The following GATA4 variants were observed in gnomAD, a reference collection of about 807,000 sequenced individuals.
GATA4 encodes GATA binding protein 4.
Under a neutral mutation model 37.9 loss-of-function variants are expected in GATA4, and 7 were observed. The observed-to-expected ratio is 0.18, with a 90% CI of 0.11 to 0.35. GATA4 has a LOEUF of 0.35. Among genes scored for constraint, GATA4 ranks in the 10% least tolerant of loss-of-function variants. The pLI is 1.00. For synonymous variants in GATA4, 372 were observed against 292.6 expected (o/e 1.27, Z -2.77); for missense variants, 647 against 653.0 (o/e 0.99, Z 0.10).
At position 11,708,965 on chromosome 8, in the gene GATA4, CG is replaced by C; in HGVS notation, c.616+41del. The C allele has an allele frequency of 6.6e-7, 1 of 1,512,924 alleles. No individual in the cohort carries two copies. Among genetic ancestry groups the C allele is most frequent in the South Asian group, 1.2e-5 (1 of 82,072 alleles). 93.7% of individuals were successfully genotyped at this position (1,512,924 alleles called of 1,614,324 possible). A position where few individuals can be genotyped will look rare whatever the true frequency, so the allele number is the denominator to read the frequency against. On this transcript the variant is annotated intron_variant, in intron 2 of 6. Transcript: ENST00000532059. This position sits in a 1 kb window ranked among gnomAD's most constrained non-coding sequence, Gnocchi z 6.7. ...CGCGAGGGCTGGGGCGCGTGAGGGC[CG>C]GGGCAGGGGCCGTCTTGAGCCCTGT...
At chr8:11,725,546 T>C (rs1585632964) in intron 2 of GATA4, among the ~76,000 whole-genome samples, 1 of 152,208 alleles carries the variant, frequency 6.6e-6, no homozygotes, top group Admixed American at 6.5e-5. Flanking sequence ...AAGAGCAAGT[T>C]CTACAGTATT....
rs572815279 is a variant in GATA4 at position 11,698,020 on chromosome 8, C to G, written c.-728-2488C>G. ...CCCCGGGAGCTGGGCAAGAGGAGCC[C>G]TGGACTCTGGGTTGACCTCGTCCCG... is the stretch of plus-strand genomic sequence containing the variant. On this transcript the variant is annotated intron_variant, in intron 1 of 2. Transcript: ENST00000526974. The G allele has an allele frequency of 1.1e-5, 11 of 985,188 alleles. No individual in the cohort carries two copies. In the African/African-American group the frequency reaches 1.9e-4, roughly 17 times the overall value. The allele number at this position is 985,188 out of a possible 1,614,324, so 61.0% of individuals were successfully genotyped here.
intron 2 of GATA4, among the ~76,000 whole-genome samples, chr8:11,743,502 C>T (rs1043705674): frequency 2.6e-5 from 4 of 152,222 alleles, no homozygotes; most frequent in South Asian, 2.1e-4. Flanking sequence ...GCCGATGGGG[C>T]GGCAGCAGTG....
upstream of GATA4, among the ~76,000 whole-genome samples, chr8:11,700,076 C>G (rs984436284): frequency 1.3e-5 from 2 of 152,162 alleles, no homozygotes; most frequent in African/African-American, 4.8e-5. Flanking sequence ...GTGCTGGTTT[C>G]TAAGGTGAGG....
intron 2 of GATA4, among the ~76,000 whole-genome samples, chr8:11,739,019 G>T (rs547192409): frequency 6.6e-6 from 1 of 152,236 alleles, no homozygotes; most frequent in African/African-American, 2.4e-5. Context: ...GTGCCACAGC[G>T]ATGCCTGAGC....
At chr8:11,678,864 A>T (rs912790120) in intron 1 of GATA4, among the ~76,000 whole-genome samples, 6 of 151,980 alleles carry the variant, frequency 3.9e-5, no homozygotes, top group Admixed American at 3.9e-4. Flanking sequence ...TGCATTCTCA[A>T]GTTCGATTAG....
chr8:11,758,627 T>G lies in GATA4; in HGVS notation c.*152T>G. The stretch of plus-strand genomic sequence containing the variant: ...AGAAACTTGAAGTCGACAATCTGGT[T>G]AGGGGAAGCGGGTGTTGGATTTTCT... On this transcript the variant is annotated 3_prime_UTR_variant, in exon 7 of 7. Coordinates refer to ENST00000532059, the MANE Select transcript of GATA4 (RefSeq NM_001308093.3). The G allele has an allele frequency of 1.3e-6, 1 of 766,760 alleles. No homozygotes were observed. The highest frequency in any genetic ancestry group is 2.2e-6 in the Non-Finnish European group (1 of 447,758). The allele number at this position is 766,760 out of a possible 1,614,324, so 47.5% of individuals were successfully genotyped here.
intron 4 of GATA4, among the ~76,000 whole-genome samples, 182 bp from the exon 5 acceptor site, chr8:11,754,864 T>G (rs1802473965): frequency 6.6e-6 from 1 of 152,210 alleles, no homozygotes; most frequent in South Asian, 2.1e-4. Context: ...CGATAAGTTT[T>G]TTAAAAATGG....
intron 2 of GATA4, among the ~76,000 whole-genome samples, chr8:11,716,916 C>G (rs1411377663): frequency 4.7e-4 from 72 of 152,202 alleles, no homozygotes; most frequent in Non-Finnish European, 5.9e-5. Flanking sequence ...GCTAGTTTTC[C>G]TTTCCTTGTT....
upstream of GATA4, chr8:11,692,023 T>A: frequency 2.0e-6 from 2 of 985,452 alleles, no homozygotes; most frequent in Non-Finnish European, 2.4e-6. Flanking sequence ...GCAGGGGATC[T>A]GTTCATGATC....
At chr8:11,739,543 C>A (rs973356379) in intron 2 of GATA4, among the ~76,000 whole-genome samples, 3 of 151,530 alleles carry the variant, frequency 2.0e-5, no homozygotes, top group African/African-American at 7.3e-5. Flanking sequence ...ACGGAAACTT[C>A]TGGCCCTGCA....
chr8:11,688,453 C>T (rs539599601), upstream of GATA4, among the ~76,000 whole-genome samples: 5 of 152,224 alleles, frequency 3.3e-5, no homozygotes, highest in African/African-American at 1.2e-4. Flanking sequence ...GATATTCCAG[C>T]CATCAAGAAC....
chr8:11,704,855 G>A (rs1172907584), intron 1 of GATA4, among the ~76,000 whole-genome samples: 2 of 152,240 alleles, frequency 1.3e-5, no homozygotes, highest in Non-Finnish European at 2.9e-5. Flanking sequence ...TGCCCTTTCT[G>A]GCCGGCCTCC....
intron 4 of GATA4, 59 bp from the exon 5 acceptor site, chr8:11,754,987 A>C (rs991978378): frequency 7.2e-5 from 98 of 1,358,026 alleles, no homozygotes; most frequent in Non-Finnish European, 9.6e-5. Context: ...GTGTCTTTCA[A>C]TGCTGTAGCA....
chr8:11,695,406 CA>C (rs879892343), intron 1 of GATA4, among the ~76,000 whole-genome samples: 15 of 147,444 alleles, frequency 1.0e-4, no homozygotes, highest in East Asian at 7.9e-4. Flanking sequence ...AACTCCATCT[CA>C]AAAAAAAAAT....
intron 2 of GATA4, among the ~76,000 whole-genome samples, chr8:11,713,008 C>T (rs1041043910): frequency 2.0e-5 from 3 of 152,142 alleles, no homozygotes; most frequent in Non-Finnish European, 4.4e-5. Flanking sequence ...TTAACCTTAA[C>T]TCAGAAACTG....
chr8:11,704,510 C>T (rs1466126935), intron 1 of GATA4, among the ~76,000 whole-genome samples: 3 of 152,224 alleles, frequency 2.0e-5, no homozygotes, highest in Non-Finnish European at 4.4e-5. Flanking sequence ...GACTTGGGGG[C>T]AAAACAGAGA....
chr8:11,708,777 G>A lies in GATA4; in HGVS notation c.465G>A (p.Ala155=). 4 of 1,438,454 alleles carry A rather than the reference G, an allele frequency of 2.8e-6. No homozygotes were observed. Among genetic ancestry groups the A allele is most frequent in the Non-Finnish European group, 3.6e-6 (4 of 1,101,400 alleles). 89.1% of individuals were successfully genotyped at this position (1,438,454 alleles called of 1,614,324 possible). A position where few individuals can be genotyped will look rare whatever the true frequency, so the allele number is the denominator to read the frequency against. The part of the protein sequence containing the change: ...GREQYGRAGF[A]GSYSSPYPAY... ...AGCAGTACGGGCGCGCCGGCTTCGC[G>A]GGCTCCTACTCCAGCCCCTACCCGG... The change falls in exon 2 of 7, where the codon GCG becomes GCA. Residue 155 remains alanine (A), a synonymous_variant. Coordinates refer to ENST00000532059, the MANE Select transcript of GATA4 (RefSeq NM_001308093.3). The surrounding 1 kb of genome is among the most constrained non-coding windows in gnomAD (Gnocchi z 6.7).
intron 2 of GATA4, among the ~76,000 whole-genome samples, chr8:11,710,355 A>C (rs1261702332): frequency 1.3e-5 from 2 of 151,978 alleles, no homozygotes; most frequent in East Asian, 1.9e-4. Flanking sequence ...TGGCCACACA[A>C]TGGAGCCCGC....
Sources: gnomAD v4.1 joint callset for allele counts (sites outside exome capture counted in the v4.1 genomes callset) on GRCh38, gnomAD v4.1.1 for gene constraint, Gnocchi (gnomAD v3.1) non-coding constraint, MANE v1.5 for transcripts, NCBI Gene and HGNC (gene_info 2026-07-23, HGNC 2026-07-21) for gene names.